PCSK5: variants seen among roughly 807,000 people sequenced by gnomAD.
PCSK5 encodes proprotein convertase subtilisin/kexin type 5, also known as prohormone convertase 5.
PCSK5 carries 129 observed loss-of-function variants against 233.2 expected under a neutral mutation model. The ratio of observed to expected loss-of-function variants is 0.55; its 90% CI spans 0.48 to 0.64. The LOEUF is 0.64. PCSK5 is among the 30% of genes least tolerant of loss of function. The pLI is 0.00. For synonymous variants in PCSK5, 825 were observed against 879.2 expected (o/e 0.94, Z 1.09); for missense variants, 2,076 against 2,430.1 (o/e 0.85, Z 3.06).
At chr9:76,069,187 G>A (rs1366254995) in intron 6 of PCSK5, among the ~76,000 whole-genome samples, 1 of 152,036 alleles carries the variant, frequency 6.6e-6, no homozygotes, top group Non-Finnish European at 1.5e-5. Context: ...AAGAGCTAAA[G>A]AAAAGAGGCA....
At chr9:76,264,384 G>C (rs1451670292) in intron 24 of PCSK5, among the ~76,000 whole-genome samples, 1 of 152,100 alleles carries the variant, frequency 6.6e-6, no homozygotes, top group Non-Finnish European at 1.5e-5. Flanking sequence ...GCAACATTCT[G>C]GATATGGGTC....
chr9:76,231,994 A>C (rs1265108130), intron 21 of PCSK5, among the ~76,000 whole-genome samples: 1 of 152,186 alleles, frequency 6.6e-6, no homozygotes, highest in Non-Finnish European at 1.5e-5. Context: ...ACAGATGCAA[A>C]TGACACAGAC....
rs1007476184 is a variant in PCSK5 at position 76,360,971 on chromosome 9, G to A, written c.*2049G>A. 2.0e-5 allele frequency: 3 copies of A among 152,094 alleles called. No homozygotes were observed. Among genetic ancestry groups the A allele is most frequent in the East Asian group, 3.9e-4 (2 of 5,194 alleles). The allele number at this position is 152,094 out of a possible 1,614,324, so 9.4% of individuals were successfully genotyped here. A position where few individuals can be genotyped will look rare whatever the true frequency, so the allele number is the denominator to read the frequency against. ...AGATTTGGCCAACAGGCTGTACTTT[G>A]CTGACTTTATCTTTAAAACAGTTTT... On this transcript the variant is annotated 3_prime_UTR_variant, in exon 38 of 38. Coordinates refer to ENST00000674117, the MANE Select transcript of PCSK5 (RefSeq NM_001372043.1).
At chr9:76,122,156 T>G (rs903612176) in intron 9 of PCSK5, among the ~76,000 whole-genome samples, 1 of 152,126 alleles carries the variant, frequency 6.6e-6, no homozygotes, top group African/African-American at 2.4e-5. Flanking sequence ...ATTTAGAATT[T>G]ATTAGTGTTT....
At chr9:76,121,279 T>C (rs996359074) in intron 9 of PCSK5, among the ~76,000 whole-genome samples, 2 of 152,144 alleles carry the variant, frequency 1.3e-5, no homozygotes, top group Non-Finnish European at 2.9e-5. Flanking sequence ...TTTGTTGATA[T>C]GATTTATTAG....
At position 76,359,691 on chromosome 9, in the gene PCSK5, T is replaced by C. The variant is rs1385996328; in HGVS notation, c.*769T>C. The C allele has an allele frequency of 6.6e-6, 1 of 152,164 alleles. No individual in the cohort carries two copies. The highest frequency in any genetic ancestry group is 1.5e-5 in the Non-Finnish European group (1 of 68,034). 9.4% of individuals were successfully genotyped at this position (152,164 alleles called of 1,614,324 possible). On this transcript the variant is annotated 3_prime_UTR_variant, in exon 38 of 38. Coordinates refer to ENST00000674117, the MANE Select transcript of PCSK5 (RefSeq NM_001372043.1). ...CAGGAACTGCACTCTCATGATTTTC[T>C]GGGTACTTTTCGCCTGGGAGACATC... is the stretch of plus-strand genomic sequence containing the variant.
intron 5 of PCSK5, among the ~76,000 whole-genome samples, chr9:76,038,159 C>A (rs1828939816): frequency 6.6e-6 from 1 of 152,132 alleles, no homozygotes. Context: ...GATCACACCC[C>A]CTCCCATGCC....
At chr9:75,897,194 A>G (rs932276698) in intron 1 of PCSK5, among the ~76,000 whole-genome samples, 2 of 152,192 alleles carry the variant, frequency 1.3e-5, no homozygotes, top group Non-Finnish European at 2.9e-5. Context: ...CTTTAAAGAC[A>G]CCTAAGAGAT....
intron 3 of PCSK5, among the ~76,000 whole-genome samples, chr9:76,001,084 A>G (rs1029909265): frequency 2.0e-5 from 3 of 152,116 alleles, no homozygotes; most frequent in Middle Eastern, 3.2e-3. Context: ...AAATCAATTC[A>G]GTTTTACTCT....
intron 7 of PCSK5, among the ~76,000 whole-genome samples, chr9:76,077,895 C>G (rs1241743653): frequency 6.6e-6 from 1 of 152,138 alleles, no homozygotes; most frequent in Non-Finnish European, 1.5e-5. Context: ...TTTGGTAGAA[C>G]AATTTATTTG....
intron 34 of PCSK5, among the ~76,000 whole-genome samples, chr9:76,334,704 C>G (rs1829628525): frequency 6.6e-6 from 1 of 152,136 alleles, no homozygotes; most frequent in Non-Finnish European, 1.5e-5. Flanking sequence ...GCACTCCAAC[C>G]TGGAGCAAGA....
At chr9:76,024,381 A>G (rs147771694) in intron 4 of PCSK5, among the ~76,000 whole-genome samples, 1,678 of 152,316 alleles carry the variant, frequency 0.011, 22 homozygotes, top group Middle Eastern at 0.014. Flanking sequence ...TTTGAACAAA[A>G]CAGTTGAGTT....
At chr9:76,275,869 C>T (rs1291867949) in intron 24 of PCSK5, among the ~76,000 whole-genome samples, 2 of 152,334 alleles carry the variant, frequency 1.3e-5, no homozygotes, top group East Asian at 1.9e-4. Context: ...CTCTAATTAG[C>T]TTTGTTAATT....
intron 7 of PCSK5, among the ~76,000 whole-genome samples, chr9:76,079,056 T>A (rs186979921): frequency 2.6e-5 from 4 of 152,040 alleles, no homozygotes; most frequent in Non-Finnish European, 5.9e-5. Flanking sequence ...GTTAGACGCA[T>A]CCTTAGGTAT....
At chr9:75,930,566 G>A (rs1823741257) in intron 1 of PCSK5, among the ~76,000 whole-genome samples, 1 of 152,072 alleles carries the variant, frequency 6.6e-6, no homozygotes, top group South Asian at 2.1e-4. Flanking sequence ...TTTATTTTGA[G>A]GGCAAAGGGA....
At chr9:76,073,203 G>T (rs1192918725) in intron 7 of PCSK5, among the ~76,000 whole-genome samples, 5 of 152,228 alleles carry the variant, frequency 3.3e-5, no homozygotes, top group African/African-American at 1.2e-4. Context: ...TGCAGCTGGA[G>T]TAAAAATAAT....
At chr9:76,185,109 C>T (rs928036478) in intron 17 of PCSK5, among the ~76,000 whole-genome samples, 3 of 152,148 alleles carry the variant, frequency 2.0e-5, no homozygotes, top group African/African-American at 7.2e-5. Context: ...TATATTTAAT[C>T]CCCCGATTCA....
intron 2 of PCSK5, among the ~76,000 whole-genome samples, chr9:75,954,169 TA>T (rs1444728992): frequency 6.6e-6 from 1 of 152,224 alleles, no homozygotes; most frequent in African/African-American, 2.4e-5. Context: ...ATTTCGTTTG[TA>T]GAAACAGGCC....
At chr9:75,900,215 G>A (rs1167784234) in intron 1 of PCSK5, among the ~76,000 whole-genome samples, 1 of 152,084 alleles carries the variant, frequency 6.6e-6, no homozygotes, top group African/African-American at 2.4e-5. Context: ...CTAGCTGGAG[G>A]ACCCTAGATA....
Sources: allele counts gnomAD v4.1 joint callset (sites outside exome capture counted in the v4.1 genomes callset), GRCh38; gene constraint gnomAD v4.1.1; transcripts MANE v1.5; gene names NCBI Gene and HGNC (gene_info 2026-07-23, HGNC 2026-07-21).